VEPH1: variants seen among roughly 807,000 people sequenced by gnomAD.
VEPH1 encodes ventricular zone-expressed PH domain-containing protein homolog 1.
Under a neutral mutation model 85.2 loss-of-function variants are expected in VEPH1, and 80 were observed. The ratio of observed to expected loss-of-function variants is 0.94; its 90% CI spans 0.78 to 1.13. The LOEUF (loss-of-function observed/expected upper bound fraction) is 1.13. Among genes scored for constraint, VEPH1 ranks in the 50% most tolerant of loss-of-function variants. VEPH1 has a pLI of 0.00. For missense variants in VEPH1, 955 were observed against 980.5 expected, an observed-to-expected ratio of 0.97 and a Z score of 0.35; for synonymous variants, 297 against 348.0, an observed-to-expected ratio of 0.85 and a Z score of 1.63.
chr3:157,404,282 C>T (rs575679096), intron 6 of VEPH1, among the ~76,000 whole-genome samples: 1 of 152,210 alleles, frequency 6.6e-6, no homozygotes, highest in South Asian at 2.1e-4. Flanking sequence ...ATGGTTCCTT[C>T]CTTCAGAGTG....
intron 12 of VEPH1, among the ~76,000 whole-genome samples, chr3:157,271,003 T>C (rs1714474426): frequency 6.6e-6 from 1 of 152,046 alleles, no homozygotes; most frequent in Non-Finnish European, 1.5e-5. Context: ...ATTTTCCAGA[T>C]AGAGTGGTAG....
At chr3:157,287,966 C>A (rs1195469020) in intron 11 of VEPH1, among the ~76,000 whole-genome samples, 4 of 152,214 alleles carry the variant, frequency 2.6e-5, no homozygotes, top group African/African-American at 9.7e-5. Context: ...TCCAAGAAGA[C>A]TGCACATGTT....
rs751084050 is a variant in VEPH1 at position 157,414,102 on chromosome 3, G to A, written c.697-12C>T. 14 of 1,552,342 alleles carry A rather than the reference G, an allele frequency of 9.0e-6. No individual in the cohort carries two copies. The Middle Eastern group carries it at 5.1e-4, about 57-fold the overall frequency. On this transcript the variant is annotated splice_polypyrimidine_tract_variant and intron_variant, in intron 5 of 13. Coordinates refer to ENST00000362010, the MANE Select transcript of VEPH1 (RefSeq NM_001167912.2). ...CACTTCTGAACTACCTATAAAGAGAGAGGAGAGGAGGAGGGAAGAAAGAAG... is the reference window on the plus strand; with the variant it reads ...CACTTCTGAACTACCTATAAAGAGAAAGGAGAGGAGGAGGGAAGAAAGAAG...
intron 6 of VEPH1, among the ~76,000 whole-genome samples, chr3:157,389,439 C>A (rs1729625855): frequency 6.6e-6 from 1 of 152,164 alleles, no homozygotes; most frequent in South Asian, 2.1e-4. Flanking sequence ...GACAGCAGGG[C>A]ATCACTTTGT....
intron 9 of VEPH1, among the ~76,000 whole-genome samples, chr3:157,325,303 G>A (rs1414168108): frequency 2.2e-4 from 33 of 152,100 alleles, no homozygotes; most frequent in Admixed American, 2.2e-3. Flanking sequence ...TGTTCACTGT[G>A]ATGATAGTTT....
At chr3:157,371,304 C>G (rs771997743) in intron 7 of VEPH1, among the ~76,000 whole-genome samples, 1 of 152,046 alleles carries the variant, frequency 6.6e-6, no homozygotes, top group African/African-American at 2.4e-5. Context: ...TGAGCAACTG[C>G]AGACAGAATT....
chr3:157,285,869 A>C (rs542826331), intron 12 of VEPH1, among the ~76,000 whole-genome samples: 25 of 152,312 alleles, frequency 1.6e-4, no homozygotes, highest in Admixed American at 4.6e-4. Context: ...GGCAGTTACC[A>C]TACCTCTCTG....
chr3:157,363,838 T>G, intron 8 of VEPH1, 77 bp from the exon 9 acceptor site: 1 of 1,518,080 alleles, frequency 6.6e-7, no homozygotes, highest in Non-Finnish European at 8.8e-7. Flanking sequence ...ATAATAATAT[T>G]GGGACAAAAA....
Position 157,363,483 on chromosome 3 carries a change from CTTGCAGT to C in VEPH1, c.1609_1615del (p.Thr537ValfsTer3). On this transcript the variant is annotated frameshift_variant, in exon 9 of 14. Transcript: ENST00000362010. LOFTEE classifies it high-confidence loss of function. ...GAGCTTATCTTGGTATTCTATAGGA[CTTGCAGT>C]TGTCTCTGGAGTTTCTTCCTGGGAG... 1 of 1,614,012 alleles carries C rather than the reference CTTGCAGT, an allele frequency of 6.2e-7. No individual in the cohort carries two copies. The highest frequency in any genetic ancestry group is 1.1e-5 in the South Asian group (1 of 91,058).
chr3:157,448,480 G>A (rs907816178), intron 4 of VEPH1, among the ~76,000 whole-genome samples: 1 of 152,154 alleles, frequency 6.6e-6, no homozygotes, highest in Non-Finnish European at 1.5e-5. Context: ...GCATTATGGA[G>A]TTTCACATCA....
At chr3:157,377,471 C>T (rs1728256277) in intron 7 of VEPH1, among the ~76,000 whole-genome samples, 1 of 151,666 alleles carries the variant, frequency 6.6e-6, no homozygotes, top group African/African-American at 2.4e-5. Flanking sequence ...TTGGGTTGGG[C>T]CTTGATATGG....
At chr3:157,264,972 T>G (rs1450031638) in intron 13 of VEPH1, among the ~76,000 whole-genome samples, 1 of 152,192 alleles carries the variant, frequency 6.6e-6, no homozygotes, top group East Asian at 1.9e-4. Context: ...GAACATCCTA[T>G]TCAAATGGAA....
chr3:157,393,943 C>T (rs1730124258), intron 6 of VEPH1, among the ~76,000 whole-genome samples: 1 of 152,218 alleles, frequency 6.6e-6, no homozygotes, highest in Non-Finnish European at 1.5e-5. Context: ...CTCAAATACT[C>T]TCATTGGCTG....
At chr3:157,390,828 G>A (rs1207129925) in intron 6 of VEPH1, among the ~76,000 whole-genome samples, 1 of 152,222 alleles carries the variant, frequency 6.6e-6, no homozygotes, top group Non-Finnish European at 1.5e-5. Context: ...CCCTTCTGGA[G>A]GCCCAGACCT....
intron 11 of VEPH1, among the ~76,000 whole-genome samples, chr3:157,292,845 C>T (rs914910924): frequency 8.8e-4 from 126 of 143,492 alleles, no homozygotes; most frequent in Non-Finnish European, 1.6e-3. Context: ...TAGCCAGGCA[C>T]GGTGGCAAGT....
At chr3:157,493,572 GATGTGGTAA>G (rs1257493485) in intron 2 of VEPH1, among the ~76,000 whole-genome samples, 4 of 152,224 alleles carry the variant, frequency 2.6e-5, no homozygotes, top group Non-Finnish European at 5.9e-5. Context: ...GAAGAAGTAA[GATGTGGTAA>G]AAGTTAGTAG....
At chr3:157,461,949 G>C (rs145906160) in intron 3 of VEPH1, among the ~76,000 whole-genome samples, 185 of 151,460 alleles carry the variant, frequency 1.2e-3, no homozygotes, top group African/African-American at 4.3e-3. Flanking sequence ...GTCATCAAGA[G>C]ATATCATTTA....
chr3:157,357,491 G>T (rs1165140242), intron 9 of VEPH1, among the ~76,000 whole-genome samples: 1 of 151,428 alleles, frequency 6.6e-6, no homozygotes, highest in Non-Finnish European at 1.5e-5. Context: ...TGCATTGTAA[G>T]AAACTTTTTT....
At chr3:157,488,959 T>G (rs1738950661) in intron 2 of VEPH1, 4 of 187,782 alleles carry the variant, frequency 2.1e-5, no homozygotes, top group East Asian at 1.7e-4. Flanking sequence ...TCTCTCCCCC[T>G]TCCCCCCACC....
Sources: allele counts gnomAD v4.1 joint callset (sites outside exome capture counted in the v4.1 genomes callset), GRCh38; gene constraint gnomAD v4.1.1; transcripts MANE v1.5; gene names NCBI Gene and HGNC (gene_info 2026-07-23, HGNC 2026-07-21).